The following HYAL4 variants were observed in gnomAD, a reference collection of about 807,000 sequenced individuals.
HYAL4 encodes hyaluronidase-4.
In HYAL4, 37 loss-of-function variants were observed where a neutral mutation model predicts 35.2. The ratio of observed to expected loss-of-function variants is 1.05; its 90% CI spans 0.81 to 1.38. The LOEUF is 1.38. Among genes scored for constraint, HYAL4 ranks in the 40% most tolerant of loss-of-function variants. The pLI is 0.00. For missense variants in HYAL4, 572 were observed against 572.4 expected (o/e 1.00, Z 0.01); for synonymous variants, 198 against 203.2 (o/e 0.97, Z 0.22).
At chr7:123,796,453 C>A in the HYAL4 span, among the ~76,000 whole-genome samples, 8 of 152,280 alleles carry the variant, frequency 5.3e-5, no homozygotes, top group African/African-American at 1.9e-4. Flanking sequence ...GCTATCAGTT[C>A]TATTTATAGA....
the HYAL4 span, among the ~76,000 whole-genome samples, chr7:123,793,436 A>T: frequency 6.6e-6 from 1 of 152,184 alleles, no homozygotes; most frequent in Admixed American, 6.5e-5. Flanking sequence ...ACTATCTGAT[A>T]TGGTTTTGCT....
At chr7:123,836,230 G>A (rs767079110) in intron 1 of HYAL4, among the ~76,000 whole-genome samples, 14 of 152,094 alleles carry the variant, frequency 9.2e-5, no homozygotes, top group Non-Finnish European at 1.3e-4. Flanking sequence ...CTTAGGTCTA[G>A]TAGTAATTGT....
intron 2 of HYAL4, among the ~76,000 whole-genome samples, chr7:123,861,521 G>A (rs868590231): frequency 6.6e-6 from 1 of 152,088 alleles, no homozygotes; most frequent in African/African-American, 2.4e-5. Flanking sequence ...TCCTAAAAGA[G>A]GAGTAATACT....
chr7:123,769,418 G>T, the HYAL4 span, among the ~76,000 whole-genome samples: 2 of 152,142 alleles, frequency 1.3e-5, no homozygotes, highest in African/African-American at 4.8e-5. Flanking sequence ...AGAAGGAAAA[G>T]TTAAATTTGG....
At chr7:123,774,620 C>A in the HYAL4 span, among the ~76,000 whole-genome samples, 1 of 152,136 alleles carries the variant, frequency 6.6e-6, no homozygotes, top group Non-Finnish European at 1.5e-5. Context: ...CAGACTTTGT[C>A]TCAAGCCACT....
intron 1 of HYAL4, among the ~76,000 whole-genome samples, chr7:123,839,174 C>T (rs1359792251): frequency 6.6e-6 from 1 of 152,012 alleles, no homozygotes; most frequent in Non-Finnish European, 1.5e-5. Flanking sequence ...GTGTGATGCT[C>T]CCCACTCTTT....
chr7:123,837,056 A>G (rs79932656), intron 1 of HYAL4, among the ~76,000 whole-genome samples: 17,192 of 152,054 alleles, frequency 0.11, 1,104 homozygotes, highest in Non-Finnish European at 0.14. Context: ...AAGAAAGAAA[A>G]AAAAGATTTG....
At chr7:123,803,675 A>G in the HYAL4 span, among the ~76,000 whole-genome samples, 1 of 152,172 alleles carries the variant, frequency 6.6e-6, no homozygotes, top group Non-Finnish European at 1.5e-5. Flanking sequence ...CATCACTTCA[A>G]CACAGAAGAT....
chr7:123,835,795 C>A (rs2116910291), intron 1 of HYAL4, among the ~76,000 whole-genome samples: 1 of 152,196 alleles, frequency 6.6e-6, no homozygotes, highest in East Asian at 1.9e-4. Flanking sequence ...CCATTCGGTT[C>A]AAAAATTTTT....
the HYAL4 span, among the ~76,000 whole-genome samples, chr7:123,796,561 T>C: frequency 6.6e-6 from 1 of 152,164 alleles, no homozygotes; most frequent in East Asian, 1.9e-4. Flanking sequence ...AGAATTACCA[T>C]ATGACCTAGT....
At chr7:123,825,326 G>A (rs1349836860), upstream of HYAL4, among the ~76,000 whole-genome samples, 11 of 152,118 alleles carry the variant, frequency 7.2e-5, no homozygotes, top group East Asian at 2.1e-3. Flanking sequence ...GATTCCTGAT[G>A]TAAATCTTTA....
the HYAL4 span, among the ~76,000 whole-genome samples, chr7:123,811,928 A>G: frequency 0.13 from 19,698 of 151,932 alleles, 1,344 homozygotes; most frequent in Non-Finnish European, 0.14. Context: ...TGCAACCTCC[A>G]TCTACCAGGT....
At chr7:123,809,912 A>G in the HYAL4 span, among the ~76,000 whole-genome samples, 1 of 152,222 alleles carries the variant, frequency 6.6e-6, no homozygotes, top group East Asian at 1.9e-4. Flanking sequence ...CATCAGATCA[A>G]ACTGAAGAGC....
chr7:123,765,288 TA>T, the HYAL4 span, among the ~76,000 whole-genome samples: 1 of 152,208 alleles, frequency 6.6e-6, no homozygotes, highest in Admixed American at 6.5e-5. Flanking sequence ...TGTTGTTCTC[TA>T]AGCAAGTTTC....
chr7:123,838,164 A>G (rs1471011623), intron 1 of HYAL4, among the ~76,000 whole-genome samples: 6 of 151,154 alleles, frequency 4.0e-5, no homozygotes, highest in Non-Finnish European at 8.8e-5. Context: ...ATTTCTCCAC[A>G]TCCTCTCCAG....
At chr7:123,814,803 C>T in the HYAL4 span, 46 of 127,692 alleles carry the variant, frequency 3.6e-4, no homozygotes, top group African/African-American at 1.1e-3. Context: ...AATCCAGAGA[C>T]GTACACAGGT....
intron 2 of HYAL4, among the ~76,000 whole-genome samples, chr7:123,849,174 ATG>A (rs1170549457): frequency 6.6e-6 from 1 of 152,160 alleles, no homozygotes; most frequent in African/African-American, 2.4e-5. Context: ...ATGTGACTGT[ATG>A]TATGTATATA....
chr7:123,835,264 A>G (rs1378486191), intron 1 of HYAL4, among the ~76,000 whole-genome samples: 1 of 151,676 alleles, frequency 6.6e-6, no homozygotes, highest in East Asian at 1.9e-4. Context: ...TCTGTTTGTT[A>G]TTGGTCTGTT....
At chr7:123,858,952 C>A (rs1341015373) in intron 2 of HYAL4, among the ~76,000 whole-genome samples, 1 of 151,860 alleles carries the variant, frequency 6.6e-6, no homozygotes, top group African/African-American at 2.4e-5. Context: ...TCAAAGAAAG[C>A]AATCAGATTT....
Sources: allele counts gnomAD v4.1 joint callset (sites outside exome capture counted in the v4.1 genomes callset), GRCh38; gene constraint gnomAD v4.1.1; transcripts MANE v1.5; gene names NCBI Gene and HGNC (gene_info 2026-07-23, HGNC 2026-07-21).